Variants in IQSEC1 observed in about 807,000 individuals in gnomAD.
IQSEC1 encodes IQ motif and SEC7 domain-containing protein 1.
IQSEC1 carries 31 observed loss-of-function variants against 91.0 expected under a neutral mutation model. The observed-to-expected ratio is 0.34, with a 90% CI of 0.26 to 0.46. IQSEC1 has a LOEUF of 0.46. IQSEC1 is among the 20% of genes least tolerant of loss of function. IQSEC1 has a pLI of 1.00. For missense variants in IQSEC1, 1,388 were observed against 1,575.6 expected (o/e 0.88, Z 2.02); for synonymous variants, 699 against 662.6 (o/e 1.05, Z -0.84).
chr3:13,142,960 G>T (rs570732186), intron 2 of IQSEC1, among the ~76,000 whole-genome samples: 80 of 152,246 alleles, frequency 5.3e-4, no homozygotes, highest in Middle Eastern at 3.4e-3. Context: ...GTGCCACATG[G>T]TCCTTCATTT....
rs79890597 is a variant in IQSEC1, at chr3:13,190,555, C to CAAAAAAAAAA, written c.273-26432_273-26423dup. Among the ~76,000 whole-genome samples the CAAAAAAAAAA allele has an allele frequency of 1.2e-4, 17 of 142,702 alleles. No individual in the cohort carries two copies. The South Asian group carries it at 1.6e-3, about 13-fold the overall frequency. The allele number at this position is 142,702 out of a possible 152,430, so 93.6% of individuals were successfully genotyped here. On this transcript the variant is annotated intron_variant, in intron 1 of 15. Coordinates refer to the IQSEC1 transcript ENST00000648114. Reference sequence around the variant, plus strand: ...TGGGTGACAGAGCAAGACCCTGTCTCAAAAAAAAAAAACAGATAAAGTGTG... The same window carrying CAAAAAAAAAA: ...TGGGTGACAGAGCAAGACCCTGTCTCAAAAAAAAAAAAAAAAAAAAAACAGATAAAGTGTG...
At chr3:13,040,645 G>A (rs951965877) in intron 1 of IQSEC1, among the ~76,000 whole-genome samples, 5 of 152,196 alleles carry the variant, frequency 3.3e-5, no homozygotes, top group Admixed American at 6.5e-5. Context: ...CCGGTCCTGA[G>A]CCCCAGCCCC....
At position 13,008,467 on chromosome 3, in the gene IQSEC1, G is replaced by T. The variant is rs1408142804; in HGVS notation, c.23+64525C>A. On this transcript the variant is annotated intron_variant, in intron 1 of 13. Coordinates refer to ENST00000613206, the MANE Select transcript of IQSEC1 (RefSeq NM_001134382.3). This position sits in a 1 kb window ranked among gnomAD's most constrained non-coding sequence, Gnocchi z 4.1. ...GGCTGTTCATACTCCTCTTCCCTCT[G>T]CCACCTGGCTGGCCCCCATCTTTGC... 6.6e-6 allele frequency among the ~76,000 whole-genome samples: 1 copy of T among 152,128 alleles called. No individual in the cohort carries two copies. The highest frequency in any genetic ancestry group is 1.5e-5 in the Non-Finnish European group (1 of 68,018).
At chr3:13,230,512 T>C (rs1309662224) in intron 1 of IQSEC1, among the ~76,000 whole-genome samples, 1 of 152,246 alleles carries the variant, frequency 6.6e-6, no homozygotes, top group African/African-American at 2.4e-5. Context: ...CCCAAAACTG[T>C]TGCCATGAGC....
intron 2 of IQSEC1, among the ~76,000 whole-genome samples, chr3:12,937,337 G>A (rs1050521152): frequency 6.6e-6 from 1 of 152,198 alleles, no homozygotes; most frequent in Admixed American, 6.5e-5. Context: ...GCCATCTAAC[G>A]AAACCCATTT....
At chr3:12,905,899 C>A (rs937122768) in intron 12 of IQSEC1, among the ~76,000 whole-genome samples, 4 of 152,232 alleles carry the variant, frequency 2.6e-5, no homozygotes, top group African/African-American at 9.6e-5. Flanking sequence ...TTGCTGGGTC[C>A]TTGGTCTTGG....
At chr3:13,176,888 C>A (rs1693740658) in intron 1 of IQSEC1, among the ~76,000 whole-genome samples, 1 of 152,230 alleles carries the variant, frequency 6.6e-6, no homozygotes, top group South Asian at 2.1e-4. Flanking sequence ...ACTGTTCACT[C>A]ATAAAAAGGA....
In IQSEC1 at chr3:13,274,045, G is replaced by A. The variant is rs983720221; in HGVS notation, c.272+8666C>T. On this transcript the variant is annotated intron_variant, in intron 1 of 15. Transcript: ENST00000648114. ...CAGAGAGGTGCATTTCACATGCCGAGGGGGAGAAAGTACAAGCAAATCCCA... is the reference window on the plus strand; with the variant it reads ...CAGAGAGGTGCATTTCACATGCCGAAGGGGAGAAAGTACAAGCAAATCCCA... Among the ~76,000 whole-genome samples the A allele has an allele frequency of 2.0e-5, 3 of 152,296 alleles. No individual in the cohort carries two copies. In the East Asian group the frequency reaches 5.8e-4, roughly 29 times the overall value.
At chr3:13,212,077 G>A (rs1276872627) in intron 1 of IQSEC1, among the ~76,000 whole-genome samples, 1 of 152,206 alleles carries the variant, frequency 6.6e-6, no homozygotes, top group African/African-American at 2.4e-5. Context: ...TGCCTCTGAG[G>A]GGCAGGTTTC....
chr3:13,233,575 G>A (rs1052399129), intron 1 of IQSEC1, among the ~76,000 whole-genome samples: 15 of 152,272 alleles, frequency 9.9e-5, no homozygotes, highest in African/African-American at 2.4e-4. Flanking sequence ...GGTTGGTCCC[G>A]GACTGTGCCC....
Position 12,900,746 on chromosome 3 carries a change from C to T in IQSEC1, c.*237G>A. 1 of 1,421,270 alleles carries T rather than the reference C, an allele frequency of 7.0e-7. No individual in the cohort carries two copies. The highest frequency in any genetic ancestry group is 1.4e-5 in the African/African-American group (1 of 69,462). The allele number at this position is 1,421,270 out of a possible 1,614,324, so 88.0% of individuals were successfully genotyped here. On this transcript the variant is annotated 3_prime_UTR_variant, in exon 14 of 14. Transcript: ENST00000613206. ...AAGGCTGATGGTGTCTGAGGCCCAC[C>T]CATCCCTCAGACTGAGGTGAGCAGA...
intron 2 of IQSEC1, among the ~76,000 whole-genome samples, chr3:13,134,041 T>C (rs1425385763): frequency 6.6e-6 from 1 of 152,186 alleles, no homozygotes; most frequent in Non-Finnish European, 1.5e-5. Context: ...GAAGGCTGTG[T>C]TTTCAAATAC....
intron 5 of IQSEC1, 134 bp downstream of exon 5, chr3:12,921,986 C>T: frequency 8.6e-7 from 1 of 1,156,548 alleles, no homozygotes; most frequent in Non-Finnish European, 1.2e-6. Flanking sequence ...ACGATCACCC[C>T]CAAAGCAACA....
rs147751326 is a variant in IQSEC1 at position 13,109,249 on chromosome 3, C to A, written c.302+54855G>T. On this transcript the variant is annotated intron_variant, in intron 2 of 15. Coordinates refer to the IQSEC1 transcript ENST00000648114. ...GTGGGGAAGCTATGAGCAGCCGAGG[C>A]CCCCCTCCTCCCTCCCATTCTCCCA... is the stretch of plus-strand genomic sequence containing the variant. Among the ~76,000 whole-genome samples the A allele has an allele frequency of 6.6e-3, 999 of 152,156 alleles. 13 individuals are homozygous for A. The highest frequency in any genetic ancestry group is 0.022 in the African/African-American group (895 of 41,500).
upstream of IQSEC1, among the ~76,000 whole-genome samples, chr3:13,073,672 G>C (rs915836881): frequency 3.3e-5 from 5 of 152,374 alleles, no homozygotes; most frequent in Admixed American, 6.5e-5. Flanking sequence ...GCCGCGCGGA[G>C]CCTACGATGA....
chr3:12,966,463 A>C (rs1700573774), intron 1 of IQSEC1, among the ~76,000 whole-genome samples: 1 of 152,186 alleles, frequency 6.6e-6, no homozygotes, highest in Admixed American at 6.5e-5. Context: ...GCTCCTCAGA[A>C]GGGCCTGCAG....
At chr3:13,147,107 C>T (rs569252767) in intron 2 of IQSEC1, among the ~76,000 whole-genome samples, 1 of 152,336 alleles carries the variant, frequency 6.6e-6, no homozygotes, top group African/African-American at 2.4e-5. Flanking sequence ...AGCCCAGGGG[C>T]TAGCCAGGGA....
chr3:13,174,361 G>T (rs191130422), intron 1 of IQSEC1, among the ~76,000 whole-genome samples: 1 of 152,254 alleles, frequency 6.6e-6, no homozygotes, highest in African/African-American at 2.4e-5. Flanking sequence ...GTGGCCAGCT[G>T]GAAGCCTTCA....
chr3:13,060,498 C>G (rs555282278), intron 1 of IQSEC1, among the ~76,000 whole-genome samples: 1 of 152,198 alleles, frequency 6.6e-6, no homozygotes, highest in South Asian at 2.1e-4. Flanking sequence ...GACTCCATGC[C>G]CTGGCTTTCC....
Sources: allele counts gnomAD v4.1 joint callset (sites outside exome capture counted in the v4.1 genomes callset), GRCh38; gene constraint gnomAD v4.1.1; non-coding constraint Gnocchi (gnomAD v3.1); transcripts MANE v1.5; gene names NCBI Gene and HGNC (gene_info 2026-07-23, HGNC 2026-07-21).